The following RUVBL1 variants were observed in gnomAD, a reference collection of about 807,000 sequenced individuals.
The protein encoded by RUVBL1 is ruvB-like 1.
A neutral mutation model predicts 52.4 loss-of-function variants in RUVBL1; 4 were observed. The observed-to-expected ratio is 0.08, with a 90% CI of 0.04 to 0.17. The LOEUF (loss-of-function observed/expected upper bound fraction) is 0.17, where lower values mean the gene tolerates loss of function less well. RUVBL1 is among the 10% of genes least tolerant of loss of function. The pLI is 1.00. For missense variants in RUVBL1, 298 were observed against 572.8 expected (o/e 0.52, Z 4.90); for synonymous variants, 217 against 214.4 (o/e 1.01, Z -0.10).
intron 2 of RUVBL1, among the ~76,000 whole-genome samples, chr3:128,116,127 CGACA>C (rs1273154105): frequency 1.3e-5 from 2 of 151,358 alleles, no homozygotes; most frequent in Non-Finnish European, 2.9e-5. Context: ...CCAGCCTGGG[CGACA>C]GACTGAAACT....
intron 8 of RUVBL1, among the ~76,000 whole-genome samples, chr3:128,089,592 T>C (rs1942766571): frequency 6.6e-6 from 1 of 152,184 alleles, no homozygotes; most frequent in South Asian, 2.1e-4. Flanking sequence ...AGTTGAGGTA[T>C]AAAAATGCAT....
At chr3:128,141,537 C>G (rs940981110) in intron 1 of RUVBL1, among the ~76,000 whole-genome samples, 1 of 152,128 alleles carries the variant, frequency 6.6e-6, no homozygotes, top group Non-Finnish European at 1.5e-5. Flanking sequence ...GCTCTGTCAC[C>G]CAGGCCGGAG....
intron 9 of RUVBL1, chr3:128,069,706 T>C: frequency 6.4e-7 from 1 of 1,567,320 alleles, no homozygotes; most frequent in Non-Finnish European, 8.8e-7. Flanking sequence ...CAGAAGCGCC[T>C]CGGAAGGGGA....
rs1281074184 is a variant in RUVBL1 at position 128,098,951 on chromosome 3, TA to T, written c.754-7del. 1 of 1,613,362 alleles carries T rather than the reference TA, an allele frequency of 6.2e-7. No homozygotes were observed. The highest frequency in any genetic ancestry group is 8.5e-7 in the Non-Finnish European group (1 of 1,179,424). ...GACAGGATATCTTGTCCCCCCTGCATAAGAGAAGACTTAGAGTCAGTGCTGC... is the reference window on the plus strand; with the variant it reads ...GACAGGATATCTTGTCCCCCCTGCATAGAGAAGACTTAGAGTCAGTGCTGC... On this transcript the variant is annotated splice_polypyrimidine_tract_variant and splice_region_variant and intron_variant, in intron 6 of 10. Coordinates refer to ENST00000322623, the MANE Select transcript of RUVBL1 (RefSeq NM_003707.3).
chr3:128,073,253 C>G (rs1016235778), intron 9 of RUVBL1, among the ~76,000 whole-genome samples: 1 of 152,168 alleles, frequency 6.6e-6, no homozygotes, highest in Non-Finnish European at 1.5e-5. Context: ...CTGCCCTTGG[C>G]TCAGGGGCAG....
intron 3 of RUVBL1, among the ~76,000 whole-genome samples, chr3:128,108,021 T>C (rs146054962): frequency 3.3e-4 from 50 of 152,266 alleles, no homozygotes; most frequent in African/African-American, 1.2e-3. Flanking sequence ...TGACGGACAA[T>C]GAAACCGGCT....
chr3:128,074,244 T>A (rs978971703), intron 9 of RUVBL1, among the ~76,000 whole-genome samples: 1 of 152,168 alleles, frequency 6.6e-6, no homozygotes, highest in African/African-American at 2.4e-5. Context: ...CAGGGTGGCA[T>A]TTTACCCAGC....
At chr3:128,094,378 G>C (rs1942921879) in intron 8 of RUVBL1, among the ~76,000 whole-genome samples, 1 of 152,170 alleles carries the variant, frequency 6.6e-6, no homozygotes, top group African/African-American at 2.4e-5. Flanking sequence ...ACACTACCTG[G>C]GAAAGAACAC....
rs548328742 is a variant in RUVBL1 at position 128,119,434 on chromosome 3, G to T, written c.142-20C>A. The T allele has an allele frequency of 6.3e-7, 1 of 1,584,402 alleles. No homozygotes were observed. The highest frequency in any genetic ancestry group is 1.7e-4 in the Middle Eastern group (1 of 5,994). ...ACATGCCTACACACCACAATGGAAAGAAATAATAAATCAATATTAAAATGT... is the reference window on the plus strand; with the variant it reads ...ACATGCCTACACACCACAATGGAAATAAATAATAAATCAATATTAAAATGT... On this transcript the variant is annotated intron_variant, in intron 1 of 10. Transcript: ENST00000322623.
intron 1 of RUVBL1, among the ~76,000 whole-genome samples, chr3:128,148,297 C>G (rs1944133997): frequency 6.6e-6 from 1 of 152,056 alleles, no homozygotes; most frequent in African/African-American, 2.4e-5. Flanking sequence ...TAGAGATGTT[C>G]AGAGGGGATT....
At chr3:128,100,544 AC>A in intron 6 of RUVBL1, 50 bp downstream of exon 6, 1 of 1,539,998 alleles carries the variant, frequency 6.5e-7, no homozygotes, top group East Asian at 2.3e-5. Context: ...AGATCTCCAC[AC>A]ACATACAAAA....
chr3:128,083,766 T>G (rs1942552366), intron 9 of RUVBL1: 1 of 152,294 alleles, frequency 6.6e-6, no homozygotes, highest in East Asian at 1.9e-4. Flanking sequence ...GGCTCAGAAC[T>G]CAGATCCTTG....
At chr3:128,144,515 T>C (rs533699926) in intron 1 of RUVBL1, among the ~76,000 whole-genome samples, 1 of 152,304 alleles carries the variant, frequency 6.6e-6, no homozygotes, top group African/African-American at 2.4e-5. Context: ...CCTGTGGAAC[T>C]GTAGGGGGCC....
rs1553724507 is a variant in RUVBL1 at position 128,082,399 on chromosome 3, A to T, written c.1211+84T>A. On this transcript the variant is annotated intron_variant, in intron 10 of 10. Coordinates refer to ENST00000322623, the MANE Select transcript of RUVBL1 (RefSeq NM_003707.3). The surrounding 1 kb of genome is among the most constrained non-coding windows in gnomAD (Gnocchi z 4.7). The stretch of plus-strand genomic sequence containing the variant: ...ATAGAGTCCCATGCCCTAGGAAGGG[A>T]CCTGCCTTTATTGTCCAGAATGACC... 1 of 1,011,018 alleles carries T rather than the reference A, an allele frequency of 9.9e-7. No homozygotes were observed. Among genetic ancestry groups the T allele is most frequent in the South Asian group, 1.3e-5 (1 of 77,532 alleles). 62.6% of individuals were successfully genotyped at this position (1,011,018 alleles called of 1,614,324 possible).
At chr3:128,099,034 T>A (rs1177635523) in intron 6 of RUVBL1, 89 bp from the exon 7 acceptor site, 1 of 1,120,222 alleles carries the variant, frequency 8.9e-7, no homozygotes, top group East Asian at 2.4e-5. Context: ...CAACTCAACA[T>A]GGGATCCTGA....
intron 2 of RUVBL1, among the ~76,000 whole-genome samples, chr3:128,118,779 T>C (rs1052237665): frequency 3.3e-5 from 5 of 152,222 alleles, no homozygotes; most frequent in Admixed American, 2.0e-4. Context: ...GCATTTAATA[T>C]TAGTCAATAC....
intron 5 of RUVBL1, 64 bp from the exon 6 acceptor site, chr3:128,100,808 G>C (rs1943092975): frequency 6.3e-7 from 1 of 1,588,456 alleles, no homozygotes; most frequent in African/African-American, 1.4e-5. Context: ...AAATGGCACA[G>C]GGCTAAGTGA....
At chr3:128,112,416 G>A (rs1943415067) in intron 3 of RUVBL1, among the ~76,000 whole-genome samples, 1 of 152,162 alleles carries the variant, frequency 6.6e-6, no homozygotes. Context: ...CTAAGGGTTA[G>A]GCGCCATAAG....
At chr3:128,070,852 C>T (rs1042912) in intron 9 of RUVBL1, 35,171 of 152,250 alleles carry the variant, frequency 0.23, 4,130 homozygotes, top group South Asian at 0.27. Flanking sequence ...AGATGAGCAC[C>T]CTCTCTCTGG....
Sources: gnomAD v4.1 joint callset for allele counts (sites outside exome capture counted in the v4.1 genomes callset) on GRCh38, gnomAD v4.1.1 for gene constraint, Gnocchi (gnomAD v3.1) non-coding constraint, MANE v1.5 for transcripts, NCBI Gene and HGNC (gene_info 2026-07-23, HGNC 2026-07-21) for gene names.